Variants in TAS2R1 observed in about 807,000 individuals in gnomAD.
The protein encoded by TAS2R1 is taste 2 receptor member 1.
For synonymous variants in TAS2R1, 141 were observed against 134.2 expected (o/e 1.05, Z -0.35); for missense variants, 370 against 353.4 (o/e 1.05, Z -0.38).
At chr5:9,749,383 C>T in the TAS2R1 span, among the ~76,000 whole-genome samples, 10 of 152,030 alleles carry the variant, frequency 6.6e-5, no homozygotes, top group African/African-American at 2.2e-4. Context: ...TCAATAACTC[C>T]GAAAAATTGA....
chr5:9,786,768 A>C, the TAS2R1 span, among the ~76,000 whole-genome samples: 5 of 152,214 alleles, frequency 3.3e-5, no homozygotes, highest in Admixed American at 2.6e-4. Flanking sequence ...GATAAAATTA[A>C]GGAGAAATAA....
intron 2 of TAS2R1, among the ~76,000 whole-genome samples, chr5:9,637,267 T>C (rs1281642487): frequency 5.3e-5 from 8 of 152,216 alleles, no homozygotes; most frequent in African/African-American, 1.7e-4. Context: ...CAAGCCTTTC[T>C]GGCTTGTAAG....
At chr5:9,675,630 T>C (rs138616279) in intron 1 of TAS2R1, among the ~76,000 whole-genome samples, 2 of 152,082 alleles carry the variant, frequency 1.3e-5, no homozygotes, top group Non-Finnish European at 1.5e-5. Context: ...TTGGCCAGGA[T>C]GGTCTCAATC....
chr5:9,653,702 G>C (rs1403816388), intron 2 of TAS2R1, among the ~76,000 whole-genome samples: 1 of 152,004 alleles, frequency 6.6e-6, no homozygotes, highest in African/African-American at 2.4e-5. Flanking sequence ...GATTTCCTAG[G>C]ATCTTAACCT....
At position 9,690,190 on chromosome 5, in the gene TAS2R1, C is replaced by T. The variant is rs183790896; in HGVS notation, c.-242+21982G>A. ...CAGAATGTTACCCCGCTATTAAAAG[C>T]GTTCTTGTAATTTTTGTAATTTCTG... On this transcript the variant is annotated intron_variant, in intron 1 of 2. Transcript: ENST00000506620. Among the ~76,000 whole-genome samples, 17 of 152,226 alleles carry T rather than the reference C, an allele frequency of 1.1e-4. 2 individuals are homozygous for T. The highest frequency in any genetic ancestry group is 3.6e-4 in the African/African-American group (15 of 41,530).
At chr5:9,887,667 C>G in the TAS2R1 span, among the ~76,000 whole-genome samples, 2 of 152,182 alleles carry the variant, frequency 1.3e-5, no homozygotes, top group African/African-American at 4.8e-5. Context: ...TTACCATGTG[C>G]TTGTTACCAG....
the TAS2R1 span, among the ~76,000 whole-genome samples, chr5:9,782,387 C>G: frequency 6.7e-6 from 1 of 149,038 alleles, no homozygotes; most frequent in Non-Finnish European, 1.5e-5. Flanking sequence ...GAACTCCACT[C>G]TGCCTTTTCC....
the TAS2R1 span, among the ~76,000 whole-genome samples, chr5:9,726,071 C>T: frequency 6.6e-6 from 1 of 150,964 alleles, no homozygotes; most frequent in African/African-American, 2.4e-5. Flanking sequence ...CTGTATCTAA[C>T]TACTCTGGTG....
At chr5:9,652,416 C>T (rs751944321) in intron 2 of TAS2R1, among the ~76,000 whole-genome samples, 5 of 152,110 alleles carry the variant, frequency 3.3e-5, no homozygotes, top group Admixed American at 6.6e-5. Context: ...TGGGCTACTC[C>T]GGGGCTGGGC....
chr5:9,793,230 G>A, the TAS2R1 span, among the ~76,000 whole-genome samples: 1 of 152,252 alleles, frequency 6.6e-6, no homozygotes, highest in African/African-American at 2.4e-5. Flanking sequence ...GAATTAGGAG[G>A]GGAAAGGGCA....
chr5:9,638,721 G>A (rs1276009696), intron 2 of TAS2R1, among the ~76,000 whole-genome samples: 1 of 152,110 alleles, frequency 6.6e-6, no homozygotes, highest in South Asian at 2.1e-4. Flanking sequence ...TACCAGGGAA[G>A]GTAGGGAAAT....
downstream of TAS2R1, chr5:9,629,712 AAC>A (rs1216119513): frequency 5.0e-6 from 8 of 1,614,010 alleles, no homozygotes; most frequent in South Asian, 5.5e-5. Flanking sequence ...GGACGCTGGC[AAC>A]CTTGGCACAA....
intron 1 of TAS2R1, among the ~76,000 whole-genome samples, chr5:9,665,736 T>C (rs532679657): frequency 6.6e-6 from 1 of 152,312 alleles, no homozygotes; most frequent in South Asian, 2.1e-4. Context: ...GGCTTAATAC[T>C]CGAAAAGGGC....
At chr5:9,692,729 G>A (rs1392901621) in intron 1 of TAS2R1, among the ~76,000 whole-genome samples, 1 of 152,282 alleles carries the variant, frequency 6.6e-6, no homozygotes, top group South Asian at 2.1e-4. Flanking sequence ...GGCCTCCTTG[G>A]ATAAGCATTT....
chr5:9,877,585 G>A, the TAS2R1 span, among the ~76,000 whole-genome samples: 1 of 152,198 alleles, frequency 6.6e-6, no homozygotes, highest in South Asian at 2.1e-4. Context: ...ATCAATTGTA[G>A]TAACATACTG....
At chr5:9,894,977 C>T in the TAS2R1 span, among the ~76,000 whole-genome samples, 2 of 152,262 alleles carry the variant, frequency 1.3e-5, no homozygotes, top group African/African-American at 2.4e-5. Context: ...TACACATACA[C>T]ATCTAACATA....
the TAS2R1 span, among the ~76,000 whole-genome samples, chr5:9,764,571 G>A: frequency 6.6e-6 from 1 of 152,166 alleles, no homozygotes; most frequent in African/African-American, 2.4e-5. Context: ...ACAAATCTGA[G>A]AAGAATTAGA....
At chr5:9,726,984 C>T in the TAS2R1 span, among the ~76,000 whole-genome samples, 7 of 152,288 alleles carry the variant, frequency 4.6e-5, no homozygotes, top group South Asian at 6.2e-4. Context: ...ATGTTTAAAA[C>T]GGAATGTGTA....
At chr5:9,872,946 A>G in the TAS2R1 span, among the ~76,000 whole-genome samples, 2 of 152,312 alleles carry the variant, frequency 1.3e-5, no homozygotes, top group South Asian at 4.1e-4. Flanking sequence ...GCCTAATAAT[A>G]ATTGCAATCA....
Sources: allele counts gnomAD v4.1 joint callset (sites outside exome capture counted in the v4.1 genomes callset), GRCh38; gene constraint gnomAD v4.1.1; transcripts MANE v1.5; gene names NCBI Gene and HGNC (gene_info 2026-07-23, HGNC 2026-07-21).